The following CNGA2 variants were observed in gnomAD, a reference collection of about 807,000 sequenced individuals.
The protein encoded by CNGA2 is cyclic nucleotide-gated channel alpha-2.
Under a neutral mutation model 35.9 loss-of-function variants are expected in CNGA2, and 22 were observed. The ratio of observed to expected loss-of-function variants is 0.61; its 90% CI spans 0.44 to 0.88. The LOEUF (loss-of-function observed/expected upper bound fraction) is 0.88. Ranked by LOEUF, CNGA2 falls within the 40% of genes least tolerant of loss-of-function variation. The pLI is 0.00. For missense variants in CNGA2, 555 were observed against 530.8 expected (o/e 1.05, Z -0.45); for synonymous variants, 217 against 209.2 (o/e 1.04, Z -0.32).
chrX:151,742,945 T>TACACATAC (rs1313382956), intron 6 of CNGA2, 148 bp from the exon 7 acceptor site: 2 of 73,003 alleles, frequency 2.7e-5, no homozygotes, highest in African/African-American at 1.2e-4. Context: ...TATATATGTA[T>TACACATAC]ATGTATATAT....
intron 1 of CNGA2, among the ~76,000 whole-genome samples, chrX:151,735,999 A>G (rs973878473): frequency 9.0e-6 from 1 of 111,411 alleles, no homozygotes; most frequent in African/African-American, 3.3e-5. Context: ...AGTACCCGGC[A>G]TAGAACACTT....
intron 1 of CNGA2, 62 bp from the exon 2 acceptor site, chrX:151,738,396 C>G: frequency 1.3e-6 from 1 of 782,226 alleles, no homozygotes; most frequent in Non-Finnish European, 1.9e-6. Flanking sequence ...ACTTGCCACT[C>G]TCCCACTCTC....
rs1247192403 is a variant in CNGA2 at position 151,745,041 on chromosome X, T to C, written c.*543T>C. 1 of 112,551 alleles carries C rather than the reference T, an allele frequency of 8.9e-6. No individual in the cohort carries two copies. Among genetic ancestry groups the C allele is most frequent in the African/African-American group, 3.3e-5 (1 of 30,732 alleles). 9.3% of individuals were successfully genotyped at this position (112,551 alleles called of 1,213,427 possible). A position where few individuals can be genotyped will look rare whatever the true frequency, so the allele number is the denominator to read the frequency against. ...CTCCTGCTCTGTAGATTGATCTGTC[T>C]GTCTGCTAGCCAGGATGGGATCTCT... On this transcript the variant is annotated 3_prime_UTR_variant, in exon 7 of 7. Coordinates refer to ENST00000329903, the MANE Select transcript of CNGA2 (RefSeq NM_005140.3).
intron 4 of CNGA2, among the ~76,000 whole-genome samples, chrX:151,740,381 G>A (rs984356065): frequency 8.9e-6 from 1 of 112,335 alleles, no homozygotes; most frequent in Non-Finnish European, 1.9e-5. Context: ...GAAGCTCATG[G>A]TGCTCACTCA....
At chrX:151,740,379 T>C (rs937964258) in intron 4 of CNGA2, among the ~76,000 whole-genome samples, 2 of 112,314 alleles carry the variant, frequency 1.8e-5, no homozygotes, top group Non-Finnish European at 3.8e-5. Context: ...AGGAAGCTCA[T>C]GGTGCTCACT....
intron 1 of CNGA2, among the ~76,000 whole-genome samples, chrX:151,736,600 G>A (rs182879554): frequency 7.2e-5 from 8 of 110,895 alleles, no homozygotes; most frequent in East Asian, 2.9e-4. Flanking sequence ...TTCCTGGAGA[G>A]GGTGTATACA....
At chrX:151,741,631 C>T (rs2015305914) in intron 5 of CNGA2, among the ~76,000 whole-genome samples, 1 of 112,548 alleles carries the variant, frequency 8.9e-6, no homozygotes. Context: ...ATGCCAGGGC[C>T]TGGTGGCTAG....
intron 1 of CNGA2, among the ~76,000 whole-genome samples, chrX:151,736,982 C>A (rs1164967330): frequency 1.8e-5 from 2 of 111,763 alleles, no homozygotes; most frequent in Admixed American, 1.9e-4. Flanking sequence ...AGCAGGGACT[C>A]AGTGATGCTG....
At chrX:151,736,301 C>T (rs1221443481) in intron 1 of CNGA2, among the ~76,000 whole-genome samples, 1 of 112,210 alleles carries the variant, frequency 8.9e-6, no homozygotes, top group Non-Finnish European at 1.9e-5. Context: ...AACACTGAGC[C>T]ATCTGGAGTC....
chrX:151,744,750 G>C lies in CNGA2; in HGVS notation c.*252G>C, dbSNP rs1416317172. The C allele has an allele frequency of 6.2e-6, 2 of 322,212 alleles. No individual in the cohort carries two copies. Among genetic ancestry groups the C allele is most frequent in the Non-Finnish European group, 1.1e-5 (2 of 184,406 alleles). 26.6% of individuals were successfully genotyped at this position (322,212 alleles called of 1,213,427 possible). A position where few individuals can be genotyped will look rare whatever the true frequency, so the allele number is the denominator to read the frequency against. On this transcript the variant is annotated 3_prime_UTR_variant, in exon 7 of 7. Transcript: ENST00000329903. Reference sequence around the variant, plus strand: ...TCGGCCTGCCTAAGTCTGAGGAAGGGAGAAGGGGGCAGCTGTCTGCCAGGA... The same window carrying C: ...TCGGCCTGCCTAAGTCTGAGGAAGGCAGAAGGGGGCAGCTGTCTGCCAGGA...
In CNGA2 at chrX:151,743,232, T is replaced by C. The variant is rs1479091118; in HGVS notation, c.729T>C (p.Pro243=). ...LIYFAVDIHS[P]EVRFNRLLHF... ...ATTTTGCTGTGGACATCCACAGCCC[T>C]GAGGTGCGCTTCAACCGCCTGCTGC... The change falls in exon 7 of 7, where the codon CCT becomes CCC. Residue 243 remains proline, a synonymous_variant. Coordinates refer to ENST00000329903, the MANE Select transcript of CNGA2 (RefSeq NM_005140.3). 8.3e-7 allele frequency: 1 copy of C among 1,201,661 alleles called. No homozygotes were observed. Among genetic ancestry groups the C allele is most frequent in the Non-Finnish European group, 1.1e-6 (1 of 893,291 alleles).
chrX:151,739,806 C>A lies in CNGA2; in HGVS notation c.374+74C>A. The A allele has an allele frequency of 6.4e-6, 7 of 1,095,871 alleles. No individual in the cohort carries two copies. In the South Asian group the frequency reaches 1.3e-4, roughly 20 times the overall value. The allele number at this position is 1,095,871 out of a possible 1,213,427, so 90.3% of individuals were successfully genotyped here. On this transcript the variant is annotated intron_variant, in intron 4 of 6. Coordinates refer to ENST00000329903, the MANE Select transcript of CNGA2 (RefSeq NM_005140.3). The stretch of plus-strand genomic sequence containing the variant: ...GGAAGAGCTCACTGGGGTTTCTATG[C>A]TACTGCTAGGGGCTATGACAAGCCC...
chrX:151,741,636 G>A (rs987930214), intron 5 of CNGA2, among the ~76,000 whole-genome samples: 1 of 112,593 alleles, frequency 8.9e-6, no homozygotes, highest in Non-Finnish European at 1.9e-5. Flanking sequence ...AGGGCCTGGT[G>A]GCTAGAGAAA....
rs1234513424 is a variant in CNGA2 at position 151,740,803 on chromosome X, T to C, written c.384T>C (p.Phe128=). The C allele has an allele frequency of 3.3e-6, 4 of 1,207,405 alleles. No homozygotes were observed. The highest frequency in any genetic ancestry group is 4.5e-6 in the Non-Finnish European group (4 of 891,616). The change falls in exon 5 of 7, where the codon TTT becomes TTC. Residue 128 remains phenylalanine (F), a synonymous_variant. Coordinates refer to ENST00000329903, the MANE Select transcript of CNGA2 (RefSeq NM_005140.3). ...DGEDKGTKKK[F]ELFVLDPAGD... ...TTGTCTGTCTTCTCAGGAAGAAATTTGAACTATTTGTCTTGGACCCAGCTG... is the reference window on the plus strand; with the variant it reads ...TTGTCTGTCTTCTCAGGAAGAAATTCGAACTATTTGTCTTGGACCCAGCTG...
rs2015349489 is a variant in CNGA2 at position 151,744,179 on chromosome X, C to T, written c.1676C>T (p.Ala559Val). The T allele has an allele frequency of 8.3e-7, 1 of 1,210,723 alleles. No homozygotes were observed. Among genetic ancestry groups the T allele is most frequent in the East Asian group, 3.0e-5 (1 of 33,787 alleles). The change falls in exon 7 of 7, where the codon GCT becomes GTT. Residue 559 changes from alanine to valine, a missense_variant. By Grantham distance (64) the Ala-to-Val change is moderately conservative. Transcript: ENST00000329903. ...FCLSKDDLME[A>V]VTEYPDAKKV... ...TTGTCCAAGGATGATCTTATGGAAG[C>T]TGTGACTGAGTACCCTGATGCCAAG...
intron 1 of CNGA2, among the ~76,000 whole-genome samples, chrX:151,738,095 T>C (rs768631712): frequency 5.2e-4 from 57 of 109,255 alleles, no homozygotes; most frequent in Non-Finnish European, 9.4e-4. Context: ...ATCTGCAAAG[T>C]GAAGGCACAG....
At chrX:151,739,484 G>A in intron 3 of CNGA2, 78 bp from the exon 4 acceptor site, 1 of 1,021,925 alleles carries the variant, frequency 9.8e-7, no homozygotes, top group East Asian at 3.1e-5. Context: ...TTAGCAGACA[G>A]TGAGCTCTTG....
rs199883231 is a variant in CNGA2 at position 151,743,012 on chromosome X, ATATATGTATATATATG to A, written c.590-80_590-65del. On this transcript the variant is annotated intron_variant, in intron 6 of 6. Transcript: ENST00000329903. ...TATATGTGTATATATATATACACAT[ATATATGTATATATATG>A]CACATATATATGTATATATATACCC... 245 of 108,825 alleles carry A rather than the reference ATATATGTATATATATG, an allele frequency of 2.3e-3. 45 individuals are homozygous for A. In the African/African-American group the frequency reaches 0.033, roughly 15 times the overall value. The allele number at this position is 108,825 out of a possible 1,213,427, so 9.0% of individuals were successfully genotyped here.
chrX:151,745,142 T>C lies in CNGA2; in HGVS notation c.*644T>C, dbSNP rs1299171316. ...GGCAGGGAGTGAGGAGCAAGGCAAC[T>C]GGCATTTGTCCACCTGGAGACAGAG... On this transcript the variant is annotated 3_prime_UTR_variant, in exon 7 of 7. Coordinates refer to ENST00000329903, the MANE Select transcript of CNGA2 (RefSeq NM_005140.3). 8.9e-6 allele frequency: 1 copy of C among 111,949 alleles called. No homozygotes were observed. The highest frequency in any genetic ancestry group is 1.9e-5 in the Non-Finnish European group (1 of 53,205). 9.2% of individuals were successfully genotyped at this position (111,949 alleles called of 1,213,427 possible).
Sources: gnomAD v4.1 joint callset for allele counts (sites outside exome capture counted in the v4.1 genomes callset) on GRCh38, gnomAD v4.1.1 for gene constraint, MANE v1.5 for transcripts, NCBI Gene and HGNC (gene_info 2026-07-23, HGNC 2026-07-21) for gene names.